Variants in PCDHA11 observed in about 807,000 individuals in gnomAD.
PCDHA11 encodes protocadherin alpha-11.
PCDHA11 carries 61 observed loss-of-function variants against 70.3 expected under a neutral mutation model. The observed-to-expected ratio is 0.87, with a 90% CI of 0.71 to 1.07. PCDHA11 has a LOEUF of 1.07. PCDHA11 is among the 50% of genes least tolerant of loss of function. The pLI is 0.00. For synonymous variants in PCDHA11, 633 were observed against 555.1 expected (o/e 1.14, Z -1.97); for missense variants, 1,324 against 1,237.5 (o/e 1.07, Z -1.05).
chr5:140,924,647 C>G (rs1396293249), intron 1 of PCDHA11, among the ~76,000 whole-genome samples: 1 of 152,132 alleles, frequency 6.6e-6, no homozygotes, highest in East Asian at 1.9e-4. Context: ...GTAATCCCAG[C>G]ACTTTGGGAG....
In PCDHA11 at chr5:140,882,282, G is replaced by T. The variant is rs145553181; in HGVS notation, c.2391+10788G>T. On this transcript the variant is annotated intron_variant, in intron 1 of 3. Coordinates refer to ENST00000398640, the MANE Select transcript of PCDHA11 (RefSeq NM_018902.5). Reference sequence around the variant, plus strand: ...TTGGAGTGTACCATGCTGTCTTCCTGGCAAGGAGGCCCAAGACCGCGGCAA... The same window carrying T: ...TTGGAGTGTACCATGCTGTCTTCCTTGCAAGGAGGCCCAAGACCGCGGCAA... 4.2e-5 allele frequency: 68 copies of T among 1,612,712 alleles called. No individual in the cohort carries two copies. The African/African-American group carries it at 8.4e-4, about 20-fold the overall frequency.
In PCDHA11 at chr5:140,882,349, T is replaced by G. The variant is rs782020720; in HGVS notation, c.2391+10855T>G. On this transcript the variant is annotated intron_variant, in intron 1 of 3. Transcript: ENST00000398640. ...TGATCCTCGCAGCCTGGGAGACGGG[T>G]AGTGGCCAGCTCCACTACTCCGTCC... 9 of 1,613,872 alleles carry G rather than the reference T, an allele frequency of 5.6e-6. No individual in the cohort carries two copies. The Admixed American group carries it at 1.3e-4, about 24-fold the overall frequency.
Position 140,870,710 on chromosome 5 carries a change from C to T in PCDHA11, c.1607C>T (p.Ala536Val), listed in dbSNP as rs782716335. 6.2e-7 allele frequency: 1 copy of T among 1,613,092 alleles called. No homozygotes were observed. The highest frequency in any genetic ancestry group is 1.1e-5 in the South Asian group (1 of 91,066). ...GAGCTGCTACAGTTCCAGGTGAGCG[C>T]GCGCGATGCGGGCGTGCCGCCTCTG... ...ELELLQFQVS[A>V]RDAGVPPLSS... The change falls in exon 1 of 4, where the codon GCG becomes GTG. Residue 536 changes from alanine (A) to valine (V), a missense_variant. Transcript: ENST00000398640.
intron 1 of PCDHA11, among the ~76,000 whole-genome samples, chr5:140,907,687 G>A (rs1554193091): frequency 6.6e-6 from 1 of 152,220 alleles, no homozygotes; most frequent in East Asian, 1.9e-4. Context: ...GCCTTGGTGA[G>A]TGGAAGTCCC....
intron 1 of PCDHA11, chr5:140,927,513 C>T (rs371881938): frequency 2.2e-5 from 36 of 1,614,062 alleles, no homozygotes; most frequent in South Asian, 3.3e-5. Flanking sequence ...CAGCTCGGGA[C>T]GGCGGGCTAC....
Position 140,871,253 on chromosome 5 carries a change from A to G in PCDHA11, c.2150A>G (p.Tyr717Cys), listed in dbSNP as rs1372338399. 6.2e-7 allele frequency: 1 copy of G among 1,613,856 alleles called. No homozygotes were observed. The highest frequency in any genetic ancestry group is 8.5e-7 in the Non-Finnish European group (1 of 1,179,956). ...CTCCTGGTACTCACGCTGCTGCTGT[A>G]TACGGCGCTGTGGTGGTCGGCAACG... ...SSLLVLTLLL[Y>C]TALWWSATPT... The change falls in exon 1 of 4, where the codon TAT becomes TGT. Residue 717 changes from tyrosine to cysteine, a missense_variant. Coordinates refer to ENST00000398640, the MANE Select transcript of PCDHA11 (RefSeq NM_018902.5).
chr5:140,923,641 T>C (rs2081461052), intron 1 of PCDHA11, among the ~76,000 whole-genome samples: 1 of 152,230 alleles, frequency 6.6e-6, no homozygotes. Context: ...CAAAAATCTT[T>C]AGCCTCCCTT....
chr5:140,969,393 C>T, intron 1 of PCDHA11: 1 of 1,590,146 alleles, frequency 6.3e-7, no homozygotes. Flanking sequence ...CCCCCAATAT[C>T]CTGTGATTTG....
chr5:140,935,870 T>C (rs1486682424), intron 1 of PCDHA11, among the ~76,000 whole-genome samples: 1 of 151,620 alleles, frequency 6.6e-6, no homozygotes, highest in East Asian at 1.9e-4. Context: ...TAGCAATTAA[T>C]GAGCTCCAAT....
In PCDHA11 at chr5:140,921,062, C is replaced by T. The variant is rs377176575; in HGVS notation, c.2391+49568C>T. 1.3e-4 allele frequency among the ~76,000 whole-genome samples: 20 copies of T among 151,872 alleles called. No homozygotes were observed. The South Asian group carries it at 4.2e-3, about 32-fold the overall frequency. The stretch of plus-strand genomic sequence containing the variant: ...TGGGGCAATCATAGCTCACTCTAAC[C>T]TTGAACTCTTGGGCTCAAGAGAATC... On this transcript the variant is annotated intron_variant, in intron 1 of 3. Coordinates refer to ENST00000398640, the MANE Select transcript of PCDHA11 (RefSeq NM_018902.5).
At chr5:140,886,560 G>A (rs1230327560) in intron 1 of PCDHA11, among the ~76,000 whole-genome samples, 3 of 151,904 alleles carry the variant, frequency 2.0e-5, no homozygotes, top group Non-Finnish European at 4.4e-5. Flanking sequence ...GGGCACGGTG[G>A]CTCACGCCTG....
chr5:140,924,766 G>A (rs543178519), intron 1 of PCDHA11, among the ~76,000 whole-genome samples: 1 of 151,878 alleles, frequency 6.6e-6, no homozygotes, highest in East Asian at 1.9e-4. Context: ...ATGGTGGTGC[G>A]CGCTTGTAGT....
chr5:140,982,827 T>G (rs2097010165), intron 3 of PCDHA11, among the ~76,000 whole-genome samples: 1 of 140,992 alleles, frequency 7.1e-6, no homozygotes, highest in Non-Finnish European at 1.6e-5. Flanking sequence ...TTTTTGGGGT[T>G]TGTTTGTTTG....
Position 140,877,000 on chromosome 5 carries a change from G to A in PCDHA11, c.2391+5506G>A, listed in dbSNP as rs191376557. The stretch of plus-strand genomic sequence containing the variant: ...GCACGCACTGTCGAGCTACGTGTCG[G>A]TGCACGCGGAGAGCGGCAAGGTGTA... On this transcript the variant is annotated intron_variant, in intron 1 of 3. Transcript: ENST00000398640. 1.7e-3 allele frequency: 2,818 copies of A among 1,612,598 alleles called. 5 individuals carry two copies. The highest frequency in any genetic ancestry group is 1.8e-3 in the Non-Finnish European group (2,166 of 1,179,806).
chr5:140,943,465 G>C (rs1332571516), intron 1 of PCDHA11, among the ~76,000 whole-genome samples: 3 of 152,022 alleles, frequency 2.0e-5, no homozygotes, highest in African/African-American at 7.2e-5. Context: ...CTAAATGTGG[G>C]AGATACAGTA....
chr5:140,998,681 C>G (rs978884535), intron 3 of PCDHA11, among the ~76,000 whole-genome samples: 42 of 152,038 alleles, frequency 2.8e-4, no homozygotes, highest in Non-Finnish European at 1.6e-4. Context: ...TCTCCTGCCT[C>G]AGCCTCCCAA....
chr5:140,902,786 C>G (rs1450809375), intron 1 of PCDHA11, among the ~76,000 whole-genome samples: 1 of 151,906 alleles, frequency 6.6e-6, no homozygotes, highest in Non-Finnish European at 1.5e-5. Flanking sequence ...TAGCTTAGCT[C>G]TCACTTGTAT....
intron 1 of PCDHA11, among the ~76,000 whole-genome samples, chr5:140,872,606 A>AT (rs1302987061): frequency 6.6e-6 from 1 of 151,888 alleles, no homozygotes; most frequent in Non-Finnish European, 1.5e-5. Context: ...TGAAAAAATA[A>AT]TTTTTTTTGC....
At chr5:140,922,577 T>C (rs155818) in intron 1 of PCDHA11, among the ~76,000 whole-genome samples, 48,013 of 152,060 alleles carry the variant, frequency 0.32, 7,938 homozygotes, top group East Asian at 0.53. Flanking sequence ...AGTTGCCCTG[T>C]AGCCGCCAGT....
Sources: allele counts gnomAD v4.1 joint callset (sites outside exome capture counted in the v4.1 genomes callset), GRCh38; gene constraint gnomAD v4.1.1; transcripts MANE v1.5; gene names NCBI Gene and HGNC (gene_info 2026-07-23, HGNC 2026-07-21).